The following HIF1A variants were observed in gnomAD, a reference collection of about 807,000 sequenced individuals.
HIF1A encodes the protein hypoxia inducible factor 1 subunit alpha, also known as hypoxia-inducible factor 1-alpha.
In HIF1A, 24 loss-of-function variants were observed where a neutral mutation model predicts 92.7. The ratio of observed to expected loss-of-function variants is 0.26; its 90% CI spans 0.19 to 0.36. The LOEUF (loss-of-function observed/expected upper bound fraction) is 0.36, where lower values mean the gene tolerates loss of function less well. Ranked by LOEUF, HIF1A falls within the 10% of genes least tolerant of loss-of-function variation. The pLI, the probability that HIF1A is intolerant of heterozygous loss-of-function variation, is 1.00. For missense variants in HIF1A, 799 were observed against 998.5 expected (o/e 0.80, Z 2.69); for synonymous variants, 319 against 338.7 (o/e 0.94, Z 0.64).
At position 61,720,572 on chromosome 14, in the gene HIF1A, G is replaced by T; in HGVS notation, c.226G>T (p.Gly76Cys). The T allele has an allele frequency of 5.0e-6, 8 of 1,585,324 alleles. No individual in the cohort carries two copies. The highest frequency in any genetic ancestry group is 6.9e-6 in the Non-Finnish European group (8 of 1,165,838). The change falls in exon 2 of 15, where the codon GGT becomes TGT. Residue 76 changes from glycine (G) to cysteine (C), a missense_variant and splice_region_variant. Physicochemically the swap from Gly to Cys is radical, Grantham distance 159 (BLOSUM62 -3). Transcript: ENST00000337138. Reference protein sequence around the residue: ...YLRVRKLLDAGDLDIEDDMKA... With the variant: ...YLRVRKLLDACDLDIEDDMKA... ...GCGTGTGAGGAAACTTCTGGATGCT[G>T]GTGAGTTATTTTACAAGGGTATAAA...
chr14:61,714,945 A>T (rs907755645), intron 1 of HIF1A, among the ~76,000 whole-genome samples: 1 of 152,060 alleles, frequency 6.6e-6, no homozygotes, highest in African/African-American at 2.4e-5. Context: ...GAGGCAGGAG[A>T]ATTGCTTGAA....
intron 1 of HIF1A, chr14:61,697,586 T>C: frequency 1.6e-6 from 1 of 640,294 alleles, no homozygotes; most frequent in Non-Finnish European, 2.0e-6. Flanking sequence ...GCTCTTAGAT[T>C]TTCCTCAGCC....
In HIF1A at chr14:61,745,784, A is replaced by G; in HGVS notation, c.2296A>G (p.Met766Val). The G allele has an allele frequency of 6.2e-7, 1 of 1,612,542 alleles. No homozygotes were observed. Among genetic ancestry groups the G allele is most frequent in the East Asian group, 2.2e-5 (1 of 44,850 alleles). Residue 766 changes from methionine to valine, a missense_variant, in exon 14 of 15, where the codon ATG becomes GTG. By Grantham distance (21) the Met-to-Val change is conservative. Transcript: ENST00000337138. ...ATGCAAATCTAGTGAACAGAATGGA[A>G]TGGAGCAAAAGACAATTATTTTAAT... Reference protein sequence around the residue: ...KGCKSSEQNGMEQKTIILIPS... With the variant: ...KGCKSSEQNGVEQKTIILIPS...
intron 1 of HIF1A, among the ~76,000 whole-genome samples, chr14:61,716,508 TCA>T (rs968599563): frequency 7.9e-5 from 12 of 152,194 alleles, no homozygotes; most frequent in Admixed American, 7.2e-4. Context: ...GTTCTTGAAG[TCA>T]CATATTTTTA....
At chr14:61,741,945 A>G (rs2044717171) in intron 12 of HIF1A, among the ~76,000 whole-genome samples, 2 of 152,202 alleles carry the variant, frequency 1.3e-5, no homozygotes, top group Admixed American at 6.5e-5. Flanking sequence ...TTCCATCTTC[A>G]GCATTCAATA....
intron 1 of HIF1A, among the ~76,000 whole-genome samples, chr14:61,719,064 T>C (rs2044396470): frequency 6.6e-6 from 1 of 152,220 alleles, no homozygotes; most frequent in South Asian, 2.1e-4. Context: ...TCCAGAATGT[T>C]GCTTCTATGG....
At chr14:61,722,536 A>T (rs1251014467) in intron 4 of HIF1A, among the ~76,000 whole-genome samples, 1 of 152,132 alleles carries the variant, frequency 6.6e-6, no homozygotes, top group African/African-American at 2.4e-5. Flanking sequence ...CACCTGGTGG[A>T]GTTAAAAATT....
intron 5 of HIF1A, 44 bp downstream of exon 5, chr14:61,726,862 C>A (rs764770708): frequency 9.2e-7 from 1 of 1,085,000 alleles, no homozygotes; most frequent in Non-Finnish European, 1.4e-6. Flanking sequence ...TTTATTTATA[C>A]ATAGACATTG....
rs139367473 is a variant in HIF1A at position 61,737,069 on chromosome 14, C to T, written c.1209C>T (p.Ala403=). 1.4e-5 allele frequency: 22 copies of T among 1,614,144 alleles called. No individual in the cohort carries two copies. The highest frequency in any genetic ancestry group is 2.7e-5 in the African/African-American group (2 of 75,032). The part of the protein sequence containing the change: ...EPDALTLLAP[A]AGDTIISLDF... ...ATGCTTTAACTTTGCTGGCCCCAGC[C>T]GCTGGAGACACAATCATATCTTTAG... The change falls in exon 9 of 15, where the codon GCC becomes GCT. Residue 403 remains alanine, a synonymous_variant. Coordinates refer to ENST00000337138, the MANE Select transcript of HIF1A (RefSeq NM_001530.4).
Position 61,738,120 on chromosome 14 carries a change from T to G in HIF1A, c.1283T>G (p.Val428Gly), listed in dbSNP as rs985666420. ...ACTGATGACCAGCAACTTGAGGAAG[T>G]ACCATTATATAATGATGTAATGCTC... is the stretch of plus-strand genomic sequence containing the variant. ...TETDDQQLEE[V>G]PLYNDVMLPS... The change falls in exon 10 of 15, where the codon GTA becomes GGA. Residue 428 changes from valine (V) to glycine (G), a missense_variant. By Grantham distance (109) the Val-to-Gly change is moderately radical. Coordinates refer to ENST00000337138, the MANE Select transcript of HIF1A (RefSeq NM_001530.4). The G allele has an allele frequency of 6.2e-6, 10 of 1,608,944 alleles. No individual in the cohort carries two copies. The highest frequency in any genetic ancestry group is 7.6e-6 in the Non-Finnish European group (9 of 1,177,656).
intron 12 of HIF1A, 150 bp downstream of exon 12, chr14:61,741,338 A>C: frequency 1.9e-6 from 1 of 534,598 alleles, no homozygotes; most frequent in Non-Finnish European, 3.2e-6. Context: ...TTCTAAATTA[A>C]CCTCATATAT....
chr14:61,697,955 G>C lies in HIF1A; in HGVS notation c.35+2116G>C. On this transcript the variant is annotated intron_variant, in intron 1 of 14. Coordinates refer to ENST00000337138, the MANE Select transcript of HIF1A (RefSeq NM_001530.4). ...TGGAAGAAATCAGAATAGAAAATGG[G>C]TATGGTTATGATACTGTAGATTTAA... 6.7e-7 allele frequency: 1 copy of C among 1,489,438 alleles called. No individual in the cohort carries two copies. Among genetic ancestry groups the C allele is most frequent in the Non-Finnish European group, 9.0e-7 (1 of 1,114,280 alleles). The allele number at this position is 1,489,438 out of a possible 1,614,324, so 92.3% of individuals were successfully genotyped here. A position where few individuals can be genotyped will look rare whatever the true frequency, so the allele number is the denominator to read the frequency against.
intron 4 of HIF1A, among the ~76,000 whole-genome samples, chr14:61,724,072 TAGAG>T (rs5809119): frequency 6.6e-6 from 1 of 151,870 alleles, no homozygotes; most frequent in African/African-American, 2.4e-5. Context: ...GACTTATTTT[TAGAG>T]AGTTTAAAAT....
In HIF1A at chr14:61,722,547, A is replaced by T. The variant is rs949576254; in HGVS notation, c.457+724A>T. On this transcript the variant is annotated intron_variant, in intron 4 of 14. Coordinates refer to ENST00000337138, the MANE Select transcript of HIF1A (RefSeq NM_001530.4). ...ACCACACCTGGTGGAGTTAAAAATT[A>T]AAATACACCATTAAGGCAAGGAGAA... is the stretch of plus-strand genomic sequence containing the variant. Among the ~76,000 whole-genome samples, 8 of 152,322 alleles carry T rather than the reference A, an allele frequency of 5.3e-5. No homozygotes were observed. The East Asian group carries it at 1.3e-3, about 26-fold the overall frequency.
chr14:61,696,654 C>A (rs146166254), intron 1 of HIF1A, among the ~76,000 whole-genome samples: 3 of 152,114 alleles, frequency 2.0e-5, no homozygotes, highest in Non-Finnish European at 2.9e-5. Flanking sequence ...TGAATATATG[C>A]CTCATTCATT....
intron 2 of HIF1A, among the ~76,000 whole-genome samples, chr14:61,721,235 C>T (rs1018362203): frequency 6.6e-5 from 10 of 152,068 alleles, no homozygotes; most frequent in East Asian, 3.9e-4. Flanking sequence ...AGTGAGACTC[C>T]ATCTCAAAAA....
chr14:61,710,733 T>G (rs1253693729), intron 1 of HIF1A, among the ~76,000 whole-genome samples: 1 of 151,840 alleles, frequency 6.6e-6, no homozygotes, highest in Non-Finnish European at 1.5e-5. Context: ...CAATAATACA[T>G]ATAAAATACT....
At chr14:61,734,878 T>C (rs1255058931) in intron 8 of HIF1A, among the ~76,000 whole-genome samples, 2 of 152,232 alleles carry the variant, frequency 1.3e-5, no homozygotes, top group Non-Finnish European at 2.9e-5. Flanking sequence ...ACCTGCACGT[T>C]GTGCACATGC....
rs775866775 is a variant in HIF1A at position 61,745,829 on chromosome 14, C to G, written c.2329+12C>G. ...TTTAATACCCTCTGGTTAGTTTATT[C>G]TTTTTGACCTTGAACATCACAAAGA... On this transcript the variant is annotated intron_variant, in intron 14 of 14. Transcript: ENST00000337138. 4 of 1,594,688 alleles carry G rather than the reference C, an allele frequency of 2.5e-6. No homozygotes were observed. In the South Asian group the frequency reaches 4.5e-5, roughly 18 times the overall value.
Sources: gnomAD v4.1 joint callset for allele counts (sites outside exome capture counted in the v4.1 genomes callset) on GRCh38, gnomAD v4.1.1 for gene constraint, MANE v1.5 for transcripts, NCBI Gene and HGNC (gene_info 2026-07-23, HGNC 2026-07-21) for gene names.